DTX4: variants seen among roughly 807,000 people sequenced by gnomAD.
The protein encoded by DTX4 is deltex E3 ubiquitin ligase 4.
Under a neutral mutation model 57.6 loss-of-function variants are expected in DTX4, and 28 were observed. That is an observed-to-expected ratio of 0.49 (90% CI 0.36 to 0.67). DTX4 has a LOEUF of 0.67. DTX4 is among the 30% of genes least tolerant of loss of function. The probability of loss-of-function intolerance (pLI) is 0.00; values close to 1 mark genes in which losing one functional copy is unlikely to be tolerated. For missense variants in DTX4, 715 were observed against 836.8 expected (o/e 0.85, Z 1.80); for synonymous variants, 316 against 331.0 (o/e 0.95, Z 0.49).
In DTX4 at chr11:59,206,171, C is replaced by A. The variant is rs1050103027; in HGVS notation, c.*1262C>A. On this transcript the variant is annotated 3_prime_UTR_variant, in exon 9 of 9. Coordinates refer to ENST00000227451, the MANE Select transcript of DTX4 (RefSeq NM_015177.2). Reference sequence around the variant, plus strand: ...TTCCATGCAAATTTGCTAATCAGAGCCCAGAGCTGCTGGGTCCCTCATCTC... The same window carrying A: ...TTCCATGCAAATTTGCTAATCAGAGACCAGAGCTGCTGGGTCCCTCATCTC... The A allele has an allele frequency of 6.6e-6, 1 of 152,180 alleles. No homozygotes were observed. Among genetic ancestry groups the A allele is most frequent in the Non-Finnish European group, 1.5e-5 (1 of 68,038 alleles). 9.4% of individuals were successfully genotyped at this position (152,180 alleles called of 1,614,324 possible). A position where few individuals can be genotyped will look rare whatever the true frequency, so the allele number is the denominator to read the frequency against.
chr11:59,199,164 G>A (rs916298149), intron 7 of DTX4, among the ~76,000 whole-genome samples: 1 of 152,214 alleles, frequency 6.6e-6, no homozygotes, highest in Admixed American at 6.5e-5. Flanking sequence ...TCATAGCTTG[G>A]AGGCACTTTC....
At chr11:59,174,668 G>T (rs1434433783) in intron 1 of DTX4, among the ~76,000 whole-genome samples, 1 of 152,082 alleles carries the variant, frequency 6.6e-6, no homozygotes, top group Non-Finnish European at 1.5e-5. Context: ...TATCTACAAA[G>T]GTTCATGACC....
chr11:59,174,338 T>C (rs779730811), intron 1 of DTX4, among the ~76,000 whole-genome samples: 16 of 150,850 alleles, frequency 1.1e-4, no homozygotes, highest in Non-Finnish European at 2.1e-4. Context: ...AGGGAGAGAA[T>C]GTCATTGCGC....
intron 1 of DTX4, among the ~76,000 whole-genome samples, chr11:59,178,234 G>A (rs193159129): frequency 7.9e-4 from 120 of 152,148 alleles, no homozygotes; most frequent in Non-Finnish European, 4.1e-4. Flanking sequence ...CTGAAATGTG[G>A]GCAGTTAGGC....
At chr11:59,173,758 C>G (rs1264619788) in intron 1 of DTX4, among the ~76,000 whole-genome samples, 1 of 152,112 alleles carries the variant, frequency 6.6e-6, no homozygotes, top group Non-Finnish European at 1.5e-5. Flanking sequence ...AGGAAGGGAG[C>G]CTCCAGGATG....
Position 59,172,581 on chromosome 11 carries a change from A to G in DTX4, c.-15A>G. 4 of 1,408,822 alleles carry G rather than the reference A, an allele frequency of 2.8e-6. No homozygotes were observed. The highest frequency in any genetic ancestry group is 1.8e-6 in the Non-Finnish European group (2 of 1,083,736). 87.3% of individuals were successfully genotyped at this position (1,408,822 alleles called of 1,614,324 possible). ...CGGGAGGCGGGCCGCGCAGCGCCGC[A>G]GCCCCGGGCTCGCCATGCTCCTGGC... is the stretch of plus-strand genomic sequence containing the variant. On this transcript the variant is annotated 5_prime_UTR_variant, in exon 1 of 9. Transcript: ENST00000227451.
intron 1 of DTX4, among the ~76,000 whole-genome samples, chr11:59,173,778 G>C (rs915603146): frequency 6.6e-6 from 1 of 152,130 alleles, no homozygotes; most frequent in Non-Finnish European, 1.5e-5. Flanking sequence ...GGGGCCTTGG[G>C]GGGTGGGGAG....
At chr11:59,195,056 G>C (rs1275623516) in intron 6 of DTX4, 152 bp from the exon 7 acceptor site, 1 of 763,942 alleles carries the variant, frequency 1.3e-6, no homozygotes, top group Non-Finnish European at 2.2e-6. Flanking sequence ...TAGCCTAGGT[G>C]ACTGGGCTGG....
intron 2 of DTX4, among the ~76,000 whole-genome samples, chr11:59,184,204 C>T (rs1159969185): frequency 1.3e-5 from 2 of 152,198 alleles, no homozygotes; most frequent in Non-Finnish European, 2.9e-5. Context: ...GGGCCTCTAA[C>T]AGAGTTCCAG....
chr11:59,191,570 G>A (rs892400488), intron 5 of DTX4, among the ~76,000 whole-genome samples: 26 of 152,174 alleles, frequency 1.7e-4, no homozygotes, highest in African/African-American at 6.0e-4. Flanking sequence ...TTATTCTCAG[G>A]ACCTTGTGAG....
At chr11:59,181,603 C>G in intron 1 of DTX4, 136 bp from the exon 2 acceptor site, 1 of 1,253,216 alleles carries the variant, frequency 8.0e-7, no homozygotes, top group Non-Finnish European at 1.1e-6. Flanking sequence ...GCTGGCACTT[C>G]AGGCAGTGTC....
At position 59,172,333 on chromosome 11, in the gene DTX4, C is replaced by T. The variant is rs1272470173; in HGVS notation, c.-263C>T. ...GGGCATTTGCATGAAGCGACTCGAC[C>T]CCACAGAGCAGCGGCAGCAGCAGCG... On this transcript the variant is annotated 5_prime_UTR_variant, in exon 1 of 9. Transcript: ENST00000227451. Among the ~76,000 whole-genome samples, 1 of 151,806 alleles carries T rather than the reference C, an allele frequency of 6.6e-6. No individual in the cohort carries two copies. The highest frequency in any genetic ancestry group is 1.5e-5 in the Non-Finnish European group (1 of 67,852).
intron 1 of DTX4, among the ~76,000 whole-genome samples, chr11:59,174,438 G>T (rs555776106): frequency 2.7e-5 from 4 of 146,764 alleles, no homozygotes; most frequent in African/African-American, 1.0e-4. Flanking sequence ...AGCCACGGAG[G>T]TGGGACCAGA....
At chr11:59,175,464 T>C (rs796705573) in intron 1 of DTX4, among the ~76,000 whole-genome samples, 1 of 152,168 alleles carries the variant, frequency 6.6e-6, no homozygotes, top group South Asian at 2.1e-4. Context: ...GACACCCGTC[T>C]GCCCGCCTCT....
In DTX4 at chr11:59,204,990, T is replaced by C; in HGVS notation, c.*81T>C. 1.5e-6 allele frequency: 2 copies of C among 1,316,752 alleles called. No homozygotes were observed. Among genetic ancestry groups the C allele is most frequent in the Non-Finnish European group, 2.1e-6 (2 of 948,022 alleles). The allele number at this position is 1,316,752 out of a possible 1,614,324, so 81.6% of individuals were successfully genotyped here. ...GGAGAGTGAGTCAATGTAGAAGAAGTTGGTGTCCTGCCCTCCCAACTTTCT... is the reference window on the plus strand; with the variant it reads ...GGAGAGTGAGTCAATGTAGAAGAAGCTGGTGTCCTGCCCTCCCAACTTTCT... On this transcript the variant is annotated 3_prime_UTR_variant, in exon 9 of 9. Transcript: ENST00000227451.
chr11:59,176,519 A>G (rs1046739717), intron 1 of DTX4, among the ~76,000 whole-genome samples: 1 of 152,266 alleles, frequency 6.6e-6, no homozygotes, highest in African/African-American at 2.4e-5. Flanking sequence ...TGTGAGATAT[A>G]GCAATAATAG....
At chr11:59,202,102 G>T (rs1862747237) in intron 8 of DTX4, among the ~76,000 whole-genome samples, 1 of 152,196 alleles carries the variant, frequency 6.6e-6, no homozygotes, top group African/African-American at 2.4e-5. Context: ...GTGTGTAAAA[G>T]AAATAAAATG....
chr11:59,200,984 T>A (rs1383298532), intron 8 of DTX4, among the ~76,000 whole-genome samples: 1 of 152,254 alleles, frequency 6.6e-6, no homozygotes. Context: ...CTGGCTGCTG[T>A]AACACAGTGC....
rs181695807 is a variant in DTX4 at position 59,198,310 on chromosome 11, C to T, written c.1537-1374C>T. 4.0e-3 allele frequency among the ~76,000 whole-genome samples: 606 copies of T among 152,228 alleles called. 4 individuals are homozygous for T. Among genetic ancestry groups the T allele is most frequent in the African/African-American group, 0.013 (558 of 41,528 alleles). On this transcript the variant is annotated intron_variant, in intron 7 of 8. Coordinates refer to ENST00000227451, the MANE Select transcript of DTX4 (RefSeq NM_015177.2). ...AAGGCAGATCAGGAGCAGTCAGAGC[C>T]GTGGTTAGAACTGGCCTTTCAGTCA...
Sources: allele counts gnomAD v4.1 joint callset (sites outside exome capture counted in the v4.1 genomes callset), GRCh38; gene constraint gnomAD v4.1.1; transcripts MANE v1.5; gene names NCBI Gene and HGNC (gene_info 2026-07-23, HGNC 2026-07-21).